The following TXNDC12 variants were observed in gnomAD, a reference collection of about 807,000 sequenced individuals.
TXNDC12 encodes the protein thioredoxin domain containing 12, also known as thioredoxin domain-containing protein 12.
In TXNDC12, 22 loss-of-function variants were observed where a neutral mutation model predicts 24.2. The ratio of observed to expected loss-of-function variants is 0.91; its 90% CI spans 0.65 to 1.30. The LOEUF (loss-of-function observed/expected upper bound fraction) is 1.30, where lower values mean the gene tolerates loss of function less well. Among genes scored for constraint, TXNDC12 ranks in the 50% most tolerant of loss-of-function variants. The pLI, the probability that TXNDC12 is intolerant of heterozygous loss-of-function variation, is 0.00. For missense variants in TXNDC12, 184 were observed against 205.8 expected (o/e 0.89, Z 0.65); for synonymous variants, 58 against 73.4 (o/e 0.79, Z 1.07).
chr1:52,020,858 G>T lies in TXNDC12; in HGVS notation c.*75C>A. 3 of 1,279,094 alleles carry T rather than the reference G, an allele frequency of 2.3e-6. No individual in the cohort carries two copies. The highest frequency in any genetic ancestry group is 3.4e-6 in the Non-Finnish European group (3 of 882,614). 79.2% of individuals were successfully genotyped at this position (1,279,094 alleles called of 1,614,324 possible). ...CCTGGTCGGCTTAATTGTTCTAGAT[G>T]ATTCCTCAATATTCCCTTCCCTGCT... On this transcript the variant is annotated 3_prime_UTR_variant, in exon 7 of 7. Coordinates refer to ENST00000371626, the MANE Select transcript of TXNDC12 (RefSeq NM_015913.4).
intron 6 of TXNDC12, among the ~76,000 whole-genome samples, chr1:52,022,635 G>GTTTTTTTTTTT (rs1188645759): frequency 1.4e-4 from 17 of 118,614 alleles, no homozygotes; most frequent in Non-Finnish European, 2.1e-4. Flanking sequence ...GGTTTTTTTG[G>GTTTTTTTTTTT]TTTTTTTTTT....
At chr1:52,034,037 T>C (rs1457961816) in intron 2 of TXNDC12, 1 of 1,381,898 alleles carries the variant, frequency 7.2e-7, no homozygotes, top group African/African-American at 1.4e-5. Context: ...TGCCCGTCCA[T>C]TTTATTAATA....
chr1:52,034,026 C>A, intron 2 of TXNDC12: 3 of 1,383,910 alleles, frequency 2.2e-6, no homozygotes, highest in Non-Finnish European at 2.8e-6. Context: ...CAGCGAAAGA[C>A]TGCCCGTCCA....
At chr1:52,033,158 C>T in intron 2 of TXNDC12, 1 of 1,614,234 alleles carries the variant, frequency 6.2e-7, no homozygotes, top group Non-Finnish European at 8.5e-7. Context: ...GAGTAAAAGG[C>T]ACCGGACCCA....
intron 1 of TXNDC12, chr1:52,050,934 T>C (rs1686188640): frequency 5.9e-6 from 1 of 169,794 alleles, no homozygotes; most frequent in Admixed American, 6.5e-5. Context: ...CTTTAAACTT[T>C]AGAGGAGTTT....
intron 2 of TXNDC12, chr1:52,033,771 G>T: frequency 1.3e-6 from 2 of 1,570,062 alleles, no homozygotes; most frequent in South Asian, 1.2e-5. Context: ...TCCTCTCAGG[G>T]AGCGACCATT....
chr1:52,021,487 CG>C (rs571202550), intron 6 of TXNDC12, among the ~76,000 whole-genome samples: 1 of 123,916 alleles, frequency 8.1e-6, no homozygotes, highest in South Asian at 2.8e-4. Flanking sequence ...TGTGCTGGGG[CG>C]GGGGTGTCTC....
intron 1 of TXNDC12, chr1:52,044,195 G>T (rs1432572080): frequency 6.6e-6 from 1 of 152,208 alleles, no homozygotes; most frequent in Admixed American, 6.5e-5. Flanking sequence ...CTTTCAGAAT[G>T]TGCTCACTAG....
intron 2 of TXNDC12, among the ~76,000 whole-genome samples, chr1:52,040,550 A>T (rs186178442): frequency 2.6e-5 from 4 of 152,352 alleles, no homozygotes; most frequent in African/African-American, 4.8e-5. Flanking sequence ...GTAGTAAATG[A>T]TAATATAGAC....
At chr1:52,052,234 T>C (rs1345271847) in intron 1 of TXNDC12, among the ~76,000 whole-genome samples, 1 of 152,222 alleles carries the variant, frequency 6.6e-6, no homozygotes, top group Non-Finnish European at 1.5e-5. Flanking sequence ...ACAATTATCA[T>C]GTTTATCATT....
chr1:52,041,493 A>G (rs1233210351), intron 2 of TXNDC12, 44 bp downstream of exon 2: 3 of 1,424,654 alleles, frequency 2.1e-6, no homozygotes, highest in Admixed American at 1.8e-5. Context: ...TGATAGCTGA[A>G]AAGTGTTTTA....
At chr1:52,044,266 CAAGT>C (rs1240761489) in intron 1 of TXNDC12, 4 of 152,228 alleles carry the variant, frequency 2.6e-5, no homozygotes, top group Non-Finnish European at 4.4e-5. Context: ...GAGCAACAAG[CAAGT>C]GAGGCTGCCC....
intron 3 of TXNDC12, among the ~76,000 whole-genome samples, chr1:52,027,730 GTA>G (rs67781566): frequency 1.9e-3 from 287 of 149,740 alleles, no homozygotes; most frequent in Admixed American, 3.0e-3. Flanking sequence ...ATGTATGTGT[GTA>G]TATATGTTAT....
intron 1 of TXNDC12, among the ~76,000 whole-genome samples, chr1:52,045,288 A>G (rs976815416): frequency 2.0e-5 from 3 of 152,194 alleles, no homozygotes; most frequent in Non-Finnish European, 4.4e-5. Flanking sequence ...ATATTTTTGT[A>G]ACAGTGAAAC....
intron 2 of TXNDC12, chr1:52,033,770 G>A (rs757302885): frequency 5.1e-6 from 8 of 1,570,884 alleles, no homozygotes; most frequent in South Asian, 1.2e-5. Flanking sequence ...ATCCTCTCAG[G>A]GAGCGACCAT....
intron 1 of TXNDC12, among the ~76,000 whole-genome samples, chr1:52,043,265 G>A (rs1185471993): frequency 6.6e-6 from 1 of 152,178 alleles, no homozygotes; most frequent in Non-Finnish European, 1.5e-5. Context: ...AGGCTGACTT[G>A]TAAATGTTTA....
At chr1:52,046,835 G>T (rs1007185722) in intron 1 of TXNDC12, among the ~76,000 whole-genome samples, 1 of 142,192 alleles carries the variant, frequency 7.0e-6, no homozygotes, top group African/African-American at 2.7e-5. Flanking sequence ...GGCCAACATG[G>T]TGAAACCCCA....
intron 4 of TXNDC12, among the ~76,000 whole-genome samples, chr1:52,026,899 G>A (rs1275636400): frequency 3.9e-5 from 6 of 152,100 alleles, no homozygotes; most frequent in Non-Finnish European, 8.8e-5. Context: ...AGCCTGGTGT[G>A]GTGGTGCATG....
chr1:52,040,453 C>A (rs1324122269), intron 2 of TXNDC12, among the ~76,000 whole-genome samples: 3 of 152,076 alleles, frequency 2.0e-5, no homozygotes, highest in Non-Finnish European at 4.4e-5. Flanking sequence ...TACCAAAGTG[C>A]TGGGATTACA....
Sources: allele counts gnomAD v4.1 joint callset (sites outside exome capture counted in the v4.1 genomes callset), GRCh38; gene constraint gnomAD v4.1.1; transcripts MANE v1.5; gene names NCBI Gene and HGNC (gene_info 2026-07-23, HGNC 2026-07-21).